The following NBAS variants were observed in gnomAD, a reference collection of about 807,000 sequenced individuals.
NBAS encodes the protein NBAS subunit of NRZ tethering complex.
A neutral mutation model predicts 302.5 loss-of-function variants in NBAS; 219 were observed. The ratio of observed to expected loss-of-function variants is 0.72; its 90% confidence interval spans 0.65 to 0.81. The LOEUF (loss-of-function observed/expected upper bound fraction) is 0.81. Among genes scored for constraint, NBAS ranks in the 30% least tolerant of loss-of-function variants. NBAS has a pLI of 0.00. For missense variants in NBAS, 2,932 were observed against 2,841.6 expected, an observed-to-expected ratio of 1.03 and a Z score of -0.72; for synonymous variants, 1,118 against 1,021.6, an observed-to-expected ratio of 1.09 and a Z score of -1.80.
At chr2:14,949,571 G>A in the NBAS span, among the ~76,000 whole-genome samples, 1 of 151,988 alleles carries the variant, frequency 6.6e-6, no homozygotes, top group Non-Finnish European at 1.5e-5. Context: ...GTTTATTGCA[G>A]CACTATTCAA....
At chr2:14,986,732 C>T in the NBAS span, among the ~76,000 whole-genome samples, 2 of 152,056 alleles carry the variant, frequency 1.3e-5, no homozygotes, top group Non-Finnish European at 2.9e-5. Context: ...AAGAATTCTT[C>T]CCCTAAAGCA....
chr2:15,508,236 A>C (rs1661964042), intron 10 of NBAS, among the ~76,000 whole-genome samples: 1 of 152,172 alleles, frequency 6.6e-6, no homozygotes, highest in Admixed American at 6.5e-5. Flanking sequence ...CGCACAAGCA[A>C]TTTTCTTTTA....
the NBAS span, among the ~76,000 whole-genome samples, chr2:15,090,037 C>T: frequency 6.6e-5 from 10 of 152,252 alleles, no homozygotes; most frequent in Admixed American, 2.6e-4. Context: ...TGTGAGCCAC[C>T]GTGCCCGGCC....
At chr2:15,396,287 C>T in intron 27 of NBAS, 126 bp downstream of exon 27, 1 of 715,262 alleles carries the variant, frequency 1.4e-6, no homozygotes. Context: ...AATTCACTCC[C>T]AAGACAATCA....
At chr2:15,266,789 C>T (rs1395618044) in intron 44 of NBAS, among the ~76,000 whole-genome samples, 1 of 152,060 alleles carries the variant, frequency 6.6e-6, no homozygotes, top group East Asian at 1.9e-4. Context: ...TTTACCGAGC[C>T]TCCTAGTTGT....
the NBAS span, among the ~76,000 whole-genome samples, chr2:14,878,199 C>T: frequency 6.6e-6 from 1 of 152,148 alleles, no homozygotes; most frequent in Non-Finnish European, 1.5e-5. Context: ...AACTGGCAAA[C>T]AGACTTTAAG....
chr2:15,427,689 C>G (rs1301079021), intron 22 of NBAS, 22 bp downstream of exon 22: 1 of 1,583,194 alleles, frequency 6.3e-7, no homozygotes, highest in Admixed American at 1.7e-5. Context: ...AACAAAGATG[C>G]CTCCTGCAGG....
the NBAS span, among the ~76,000 whole-genome samples, chr2:15,019,714 G>A: frequency 3.3e-5 from 5 of 152,018 alleles, no homozygotes; most frequent in African/African-American, 4.8e-5. Flanking sequence ...GAGTTAATTC[G>A]TTCATGAGGG....
the NBAS span, among the ~76,000 whole-genome samples, chr2:14,858,285 T>C: frequency 6.6e-6 from 1 of 152,114 alleles, no homozygotes; most frequent in Non-Finnish European, 1.5e-5. Context: ...AGAGTTACCA[T>C]ATCATTCAAC....
the NBAS span, among the ~76,000 whole-genome samples, chr2:14,895,739 C>CAAAAAAAAAAAAAAAAAAAAAAAA: frequency 5.7e-4 from 54 of 95,446 alleles, no homozygotes; most frequent in Non-Finnish European, 9.9e-4. Flanking sequence ...GACTCCGTCT[C>CAAAAAAAAAAAAAAAAAAAAAAAA]AAAAAAAAAA....
At chr2:15,162,161 C>T (rs561652762), downstream of NBAS, among the ~76,000 whole-genome samples, 1 of 152,310 alleles carries the variant, frequency 6.6e-6, no homozygotes, top group South Asian at 2.1e-4. Flanking sequence ...ACCCCTGACT[C>T]CAATCCAGTG....
At chr2:15,421,497 C>T (rs1677210661) in intron 23 of NBAS, among the ~76,000 whole-genome samples, 1 of 151,884 alleles carries the variant, frequency 6.6e-6, no homozygotes, top group Non-Finnish European at 1.5e-5. Context: ...TCGCTAAAGG[C>T]ACTAGGGAAA....
intron 51 of NBAS, among the ~76,000 whole-genome samples, chr2:15,170,783 T>C (rs1001290307): frequency 2.0e-5 from 3 of 152,210 alleles, no homozygotes; most frequent in Non-Finnish European, 2.9e-5. Flanking sequence ...GCCTTTGTAA[T>C]GACCCATTCC....
At chr2:15,184,816 A>T (rs1409052837) in intron 50 of NBAS, among the ~76,000 whole-genome samples, 1 of 152,224 alleles carries the variant, frequency 6.6e-6, no homozygotes, top group African/African-American at 2.4e-5. Context: ...TGCAGTGGCC[A>T]TGTCATAGCC....
At chr2:15,309,023 A>G (rs1031799702) in intron 39 of NBAS, 148 bp downstream of exon 39, 1 of 334,398 alleles carries the variant, frequency 3.0e-6, no homozygotes, top group African/African-American at 2.3e-5. Context: ...GTATAATAAT[A>G]AATACATAAA....
chr2:15,106,463 C>A, the NBAS span, among the ~76,000 whole-genome samples: 1 of 151,670 alleles, frequency 6.6e-6, no homozygotes, highest in Non-Finnish European at 1.5e-5. Context: ...CTCTCTCTCT[C>A]TCTCTCTCTC....
At chr2:15,025,730 G>A in the NBAS span, among the ~76,000 whole-genome samples, 1 of 152,076 alleles carries the variant, frequency 6.6e-6, no homozygotes, top group Non-Finnish European at 1.5e-5. Flanking sequence ...TGACAATTCT[G>A]AAAGAGATTG....
At chr2:14,924,547 C>A in the NBAS span, among the ~76,000 whole-genome samples, 1 of 152,188 alleles carries the variant, frequency 6.6e-6, no homozygotes, top group African/African-American at 2.4e-5. Context: ...AACAGTCCCC[C>A]CAATGGAGCT....
chr2:15,103,815 T>C, the NBAS span, among the ~76,000 whole-genome samples: 1 of 152,182 alleles, frequency 6.6e-6, no homozygotes, highest in African/African-American at 2.4e-5. Flanking sequence ...CCATGGTCTG[T>C]GTAGCTTACT....
Sources: allele counts gnomAD v4.1 joint callset (sites outside exome capture counted in the v4.1 genomes callset), GRCh38; gene constraint gnomAD v4.1.1; transcripts MANE v1.5; gene names NCBI Gene and HGNC (gene_info 2026-07-23, HGNC 2026-07-21).